Variants in TNXB observed in about 807,000 individuals in gnomAD.
The protein encoded by TNXB is tenascin XB.
In TNXB, 183 loss-of-function variants were observed where a neutral mutation model predicts 340.5. The ratio of observed to expected loss-of-function variants is 0.54; its 90% CI spans 0.48 to 0.61. The LOEUF is 0.61. TNXB is among the 20% of genes least tolerant of loss of function. The pLI is 0.00. For missense variants in TNXB, 4,613 were observed against 5,446.4 expected, an observed-to-expected ratio of 0.85 and a Z score of 4.82; for synonymous variants, 2,121 against 2,314.5, an observed-to-expected ratio of 0.92 and a Z score of 2.40.
intron 1 of TNXB, 123 bp from the exon 2 acceptor site, chr6:32,098,329 T>A: frequency 1.3e-6 from 1 of 786,756 alleles, no homozygotes; most frequent in Non-Finnish European, 1.9e-6. Context: ...CACATGCATG[T>A]AAAAATTCAC....
Position 32,096,111 on chromosome 6 carries a change from G to C in TNXB, c.1742C>G (p.Ser581Cys). The change falls in exon 3 of 44, where the codon TCT becomes TGT. Residue 581 changes from serine to cysteine, a missense_variant. By Grantham distance (112) the Ser-to-Cys change is moderately radical. Around this residue, in one of 7 missense-constraint regions of TNXB, gnomAD observed 4,327 missense variants for 4,859.4 expected, o/e 0.89. Transcript: ENST00000644971. ...CTGCCTCACACCGCAATCCTCGCCA[G>C]AGTAGCCGTCCTCGCACACACACCG... is the stretch of plus-strand genomic sequence containing the variant. ...DGRCVCEDGY[S>C]GEDCGVRQCP... 1 of 1,607,098 alleles carries C rather than the reference G, an allele frequency of 6.2e-7. No individual in the cohort carries two copies. Among genetic ancestry groups the C allele is most frequent in the South Asian group, 1.1e-5 (1 of 89,726 alleles).
chr6:32,049,927 C>T lies in TNXB; in HGVS notation c.9439+71G>A. The T allele has an allele frequency of 6.2e-7, 1 of 1,603,516 alleles. No homozygotes were observed. Among genetic ancestry groups the T allele is most frequent in the Non-Finnish European group, 8.5e-7 (1 of 1,172,688 alleles). On this transcript the variant is annotated intron_variant, in intron 27 of 43. Transcript: ENST00000644971. This position sits in a 1 kb window ranked among gnomAD's most constrained non-coding sequence, Gnocchi z 4.5. ...GACCAGACCCCTGTCCCATTCCCCA[C>T]CAGTCATCACCAAAGAGCAAGAGGT... is the stretch of plus-strand genomic sequence containing the variant.
At chr6:32,092,574 C>T (rs1369514874) in intron 4 of TNXB, among the ~76,000 whole-genome samples, 1 of 151,844 alleles carries the variant, frequency 6.6e-6, no homozygotes, top group African/African-American at 2.4e-5. Flanking sequence ...TCTGTAATCC[C>T]AGCTACTTGG....
rs556285697 is a variant in TNXB at position 32,057,083 on chromosome 6, T to C, written c.7826-180A>G. Among the ~76,000 whole-genome samples, 8 of 151,414 alleles carry C rather than the reference T, an allele frequency of 5.3e-5. No homozygotes were observed. In the East Asian group the frequency reaches 5.8e-4, roughly 11 times the overall value. On this transcript the variant is annotated intron_variant, in intron 22 of 43. Transcript: ENST00000644971. ...CCTTTCCTATCCCTCACCCTGACCC[T>C]CCTGCCCTCAGCCCCCACCTCACCC...
At position 32,049,911 on chromosome 6, in the gene TNXB, CCT is replaced by C. The variant is rs1156671100; in HGVS notation, c.9439+85_9439+86del. On this transcript the variant is annotated intron_variant, in intron 27 of 43. Coordinates refer to ENST00000644971, the MANE Select transcript of TNXB (RefSeq NM_001365276.2). This position sits in a 1 kb window ranked among gnomAD's most constrained non-coding sequence, Gnocchi z 4.5. ...GCAGTTCTGTGGTGCTGACCAGACC[CCT>C]GTCCCATTCCCCACCAGTCATCACC... 1.9e-6 allele frequency: 3 copies of C among 1,588,016 alleles called. No individual in the cohort carries two copies. Among genetic ancestry groups the C allele is most frequent in the Non-Finnish European group, 2.6e-6 (3 of 1,162,694 alleles).
In TNXB at chr6:32,096,470, G is replaced by A. The variant is rs754970203; in HGVS notation, c.1383C>T (p.Cys461=). The change falls in exon 3 of 44, where the codon TGC becomes TGT. Residue 461 remains cysteine (C), a synonymous_variant. Transcript: ENST00000644971. ...AGTCCCCAGGACAGCTGCGCACACCGCAGTCCTCGCCGCTGTAGCCCGCAT... is the reference window on the plus strand; with the variant it reads ...AGTCCCCAGGACAGCTGCGCACACCACAGTCCTCGCCGCTGTAGCCCGCAT... The part of the protein sequence containing the change: ...VCNAGYSGED[C]GVRSCPGDCR... 34 of 1,599,256 alleles carry A rather than the reference G, an allele frequency of 2.1e-5. No homozygotes were observed. Among genetic ancestry groups the A allele is most frequent in the Middle Eastern group, 1.6e-4 (1 of 6,070 alleles).
chr6:32,067,620 T>C lies in TNXB; in HGVS notation c.6544+41A>G. Reference sequence around the variant, plus strand: ...GGAGGAGATGCTGGAGGCTGTACTTTGCTAAGACCCAACCCAGAGGGCTCT... The same window carrying C: ...GGAGGAGATGCTGGAGGCTGTACTTCGCTAAGACCCAACCCAGAGGGCTCT... On this transcript the variant is annotated intron_variant, in intron 18 of 43. Transcript: ENST00000644971. This position sits in a 1 kb window ranked among gnomAD's most constrained non-coding sequence, Gnocchi z 4.2. The C allele has an allele frequency of 6.3e-7, 1 of 1,592,112 alleles. No individual in the cohort carries two copies. The highest frequency in any genetic ancestry group is 8.6e-7 in the Non-Finnish European group (1 of 1,167,490).
rs767180972 is a variant in TNXB at position 32,050,208 on chromosome 6, T to G, written c.9229A>C (p.Ser3077Arg). The G allele has an allele frequency of 1.2e-6, 2 of 1,613,762 alleles. No homozygotes were observed. Among genetic ancestry groups the G allele is most frequent in the Admixed American group, 3.3e-5 (2 of 60,024 alleles). ...CCCTCGGGAACCATCCAGGACAGGC[T>G]GAGGGAGTCGGGGGTGGCATCTGTC... ...TVTDATPDSL[S>R]LSWMVPEGQF... Residue 3077 changes from serine to arginine, a missense_variant, in exon 27 of 44, where the codon AGC becomes CGC. Ser to Arg is a moderately radical substitution (Grantham distance 110, BLOSUM62 -1). Around this residue, in one of 7 missense-constraint regions of TNXB, gnomAD observed 4,327 missense variants for 4,859.4 expected, o/e 0.89. Coordinates refer to ENST00000644971, the MANE Select transcript of TNXB (RefSeq NM_001365276.2).
rs1778116860 is a variant in TNXB at position 32,062,945 on chromosome 6, C to T, written c.6842-462G>A. Among the ~76,000 whole-genome samples the T allele has an allele frequency of 6.6e-6, 1 of 152,068 alleles. No individual in the cohort carries two copies. Among genetic ancestry groups the T allele is most frequent in the East Asian group, 1.9e-4 (1 of 5,188 alleles). On this transcript the variant is annotated intron_variant, in intron 19 of 43. Transcript: ENST00000644971. The surrounding 1 kb of genome is among the most constrained non-coding windows in gnomAD (Gnocchi z 4.3). ...TGGCGGGCACCTGTAGTCCCAGCTA[C>T]TCAGGAGGCTGAGGCAGGAGAATGG...
chr6:32,087,452 G>A lies in TNXB; in HGVS notation c.2779+1333C>T, dbSNP rs748384261. ...ACCACGCGCTCGAACTGGCCGCGGA[G>A]CCCGTCGAGAGACACGAGAAGCGCG... On this transcript the variant is annotated intron_variant, in intron 6 of 43. Coordinates refer to ENST00000644971, the MANE Select transcript of TNXB (RefSeq NM_001365276.2). This position sits in a 1 kb window ranked among gnomAD's most constrained non-coding sequence, Gnocchi z 9.0. 1.6e-5 allele frequency: 8 copies of A among 486,040 alleles called. No homozygotes were observed. In the East Asian group the frequency reaches 4.3e-4, roughly 26 times the overall value. The allele number at this position is 486,040 out of a possible 1,614,324, so 30.1% of individuals were successfully genotyped here. A position where few individuals can be genotyped will look rare whatever the true frequency, so the allele number is the denominator to read the frequency against.
chr6:32,099,960 A>C (rs1351382235), intron 1 of TNXB, among the ~76,000 whole-genome samples: 2 of 151,352 alleles, frequency 1.3e-5, no homozygotes, highest in South Asian at 2.1e-4. Context: ...AAAAAAAAAA[A>C]AAAAAAAAAA....
rs1777822935 is a variant in TNXB, at chr6:32,058,516, TGTGTTCGCC to T, written c.7493-135_7493-127del. The T allele has an allele frequency of 1.2e-6, 1 of 805,420 alleles. No individual in the cohort carries two copies. Among genetic ancestry groups the T allele is most frequent in the Non-Finnish European group, 1.9e-6 (1 of 530,592 alleles). The allele number at this position is 805,420 out of a possible 1,614,324, so 49.9% of individuals were successfully genotyped here. A position where few individuals can be genotyped will look rare whatever the true frequency, so the allele number is the denominator to read the frequency against. ...AGCAGGCTGAGGGCTGGGGCAGCTT[TGTGTTCGCC>T]GTTCAGTGACTCTTGGAATAAGAGC... On this transcript the variant is annotated intron_variant, in intron 21 of 43. Transcript: ENST00000644971. This position sits in a 1 kb window ranked among gnomAD's most constrained non-coding sequence, Gnocchi z 5.1.
At chr6:32,098,937 T>C (rs1326037524) in intron 1 of TNXB, among the ~76,000 whole-genome samples, 1 of 152,210 alleles carries the variant, frequency 6.6e-6, no homozygotes, top group East Asian at 1.9e-4. Flanking sequence ...CAGTCTTCCA[T>C]TACTCTCTAT....
rs774438735 is a variant in TNXB, at chr6:32,053,514, G to A, written c.8665C>T (p.Arg2889Trp). 136 of 1,613,526 alleles carry A rather than the reference G, an allele frequency of 8.4e-5. 1 individual carries two copies. The South Asian group carries it at 1.3e-3, about 15-fold the overall frequency. ...ACCCCGTCCTCGTGCCCCGGCACCC[G>A]CACCACCTTGGGCTGCCCATCCCCA... ...RNGDGQPKVV[R>W]VPGHEDGVTI... The change falls in exon 25 of 44, where the codon CGG becomes TGG. Residue 2889 changes from arginine (R) to tryptophan (W), a missense_variant. Transcript: ENST00000644971.
Position 32,088,941 on chromosome 6 carries a change from C to T in TNXB, c.2623G>A (p.Val875Ile), listed in dbSNP as rs377480086. The T allele has an allele frequency of 5.0e-5, 80 of 1,606,482 alleles. No individual in the cohort carries two copies. In the African/African-American group the frequency reaches 8.3e-4, roughly 17 times the overall value. The change falls in exon 6 of 44, where the codon GTC becomes ATC. Residue 875 changes from valine to isoleucine, a missense_variant. Val to Ile is a conservative substitution (Grantham distance 29). This residue lies in a region of TNXB where 4,327 missense variants were observed against 4,859.4 expected (regional missense o/e 0.89). Coordinates refer to ENST00000644971, the MANE Select transcript of TNXB (RefSeq NM_001365276.2). ...AEVDRFVVSY[V>I]SAGNQRVRLE... ...CTCACCCTCTGGTTGCCGGCACTGA[C>T]GTAGGACACCACAAATCGGTCCACC...
chr6:32,088,411 CTGA>C (rs996858804), intron 6 of TNXB, among the ~76,000 whole-genome samples: 10 of 152,194 alleles, frequency 6.6e-5, no homozygotes, highest in African/African-American at 2.4e-4. Flanking sequence ...GTCAACAGGA[CTGA>C]TGATCTCTAA....
Position 32,095,610 on chromosome 6 carries a change from CCTT to C in TNXB, c.2240_2242del (p.Glu748del), listed in dbSNP as rs1430858154. 2 of 1,608,426 alleles carry C rather than the reference CCTT, an allele frequency of 1.2e-6. No homozygotes were observed. The highest frequency in any genetic ancestry group is 2.2e-5 in the East Asian group (1 of 44,746). On this transcript the variant is annotated inframe_deletion and splice_region_variant, in exon 3 of 44. Coordinates refer to ENST00000644971, the MANE Select transcript of TNXB (RefSeq NM_001365276.2). ...TACACTGGGGAAGGCTGCCTGCTCA[CCTT>C]CTCCGCAGTCTTCGCCAGCATACCC...
chr6:32,071,584 T>TTC (rs1322800403), intron 13 of TNXB, among the ~76,000 whole-genome samples: 27 of 151,018 alleles, frequency 1.8e-4, no homozygotes, highest in Admixed American at 1.8e-3. Flanking sequence ...CTTTCTTTTT[T>TTC]TTTTTTTTTG....
Position 32,067,128 on chromosome 6 carries a change from GAAGGAAGAAAGAAAGAAAGA to G in TNXB, c.6544+513_6544+532del, listed in dbSNP as rs1296013707. ...AAGAAAGAAAGAGAAAGAAAGAAAG[GAAGGAAGAAAGAAAGAAAGA>G]AAGAAAGAAAGAAAGAAAGAAAGAA... is the stretch of plus-strand genomic sequence containing the variant. On this transcript the variant is annotated intron_variant, in intron 18 of 43. Coordinates refer to ENST00000644971, the MANE Select transcript of TNXB (RefSeq NM_001365276.2). The surrounding 1 kb of genome is among the most constrained non-coding windows in gnomAD (Gnocchi z 4.2). Among the ~76,000 whole-genome samples the G allele has an allele frequency of 4.0e-5, 2 of 49,638 alleles. No individual in the cohort carries two copies. The highest frequency in any genetic ancestry group is 7.6e-4 in the East Asian group (1 of 1,314). 32.6% of individuals were successfully genotyped at this position (49,638 alleles called of 152,430 possible).
Sources: allele counts gnomAD v4.1 joint callset (sites outside exome capture counted in the v4.1 genomes callset), GRCh38; gene constraint gnomAD v4.1.1; regional missense constraint gnomAD v4.1.1; non-coding constraint Gnocchi (gnomAD v3.1); transcripts MANE v1.5; gene names NCBI Gene and HGNC (gene_info 2026-07-23, HGNC 2026-07-21).